Variants in SHISA6 observed in about 807,000 individuals in gnomAD.
SHISA6 encodes protein shisa-6.
Under a neutral mutation model 47.9 loss-of-function variants are expected in SHISA6, and 22 were observed. That is an observed-to-expected ratio of 0.46 (90% CI 0.33 to 0.66). The LOEUF (loss-of-function observed/expected upper bound fraction) is 0.66. Ranked by LOEUF, SHISA6 falls within the 30% of genes least tolerant of loss-of-function variation. SHISA6 has a pLI of 0.02. For synonymous variants in SHISA6, 388 were observed against 337.8 expected, an observed-to-expected ratio of 1.15 and a Z score of -1.63; for missense variants, 680 against 764.6, an observed-to-expected ratio of 0.89 and a Z score of 1.30.
chr17:11,277,212 G>C (rs1049608844), intron 2 of SHISA6, among the ~76,000 whole-genome samples: 3 of 140,658 alleles, frequency 2.1e-5, no homozygotes, highest in African/African-American at 5.4e-5. Context: ...AAAGAATCTG[G>C]TCTCTCCCTC....
intron 2 of SHISA6, among the ~76,000 whole-genome samples, chr17:11,333,033 T>G (rs923744028): frequency 2.6e-5 from 4 of 152,152 alleles, no homozygotes; most frequent in East Asian, 1.9e-4. Flanking sequence ...TGCCAGGGGG[T>G]GACCTGCCTT....
rs549343781 is a variant in SHISA6 at position 11,435,227 on chromosome 17, T to C, written c.895+55718T>C. Among the ~76,000 whole-genome samples, 13 of 152,152 alleles carry C rather than the reference T, an allele frequency of 8.5e-5. No homozygotes were observed. In the South Asian group the frequency reaches 2.7e-3, roughly 32 times the overall value. On this transcript the variant is annotated intron_variant, in intron 3 of 5. Coordinates refer to ENST00000441885, the MANE Select transcript of SHISA6 (RefSeq NM_207386.4). ...TTTTGCTGAATAATATCACATTATATTTAACTTAAAGATTATTAACTTTTT... is the reference window on the plus strand; with the variant it reads ...TTTTGCTGAATAATATCACATTATACTTAACTTAAAGATTATTAACTTTTT...
chr17:11,241,373 G>T lies in SHISA6; in HGVS notation c.-50G>T. ...GGTCCTCCGAGCCCGGCCCGCCGGG[G>T]GAGCGGCCTGCCGCGGAAGCCTCCC... On this transcript the variant is annotated 5_prime_UTR_variant, in exon 1 of 6. Transcript: ENST00000441885. The surrounding 1 kb of genome is among the most constrained non-coding windows in gnomAD (Gnocchi z 5.5). The T allele has an allele frequency of 9.8e-7, 1 of 1,025,082 alleles. No individual in the cohort carries two copies. Among genetic ancestry groups the T allele is most frequent in the Non-Finnish European group, 1.2e-6 (1 of 857,580 alleles). The allele number at this position is 1,025,082 out of a possible 1,614,324, so 63.5% of individuals were successfully genotyped here.
chr17:11,438,678 T>C (rs569182737), intron 3 of SHISA6, among the ~76,000 whole-genome samples: 1 of 152,328 alleles, frequency 6.6e-6, no homozygotes, highest in Non-Finnish European at 1.5e-5. Context: ...CCAAATATAG[T>C]TACACTGGGA....
intron 2 of SHISA6, among the ~76,000 whole-genome samples, chr17:11,372,270 G>A (rs1204925698): frequency 6.6e-6 from 1 of 152,076 alleles, no homozygotes; most frequent in Non-Finnish European, 1.5e-5. Flanking sequence ...AAATTTTGAG[G>A]GCATGTATGT....
chr17:11,292,524 T>C (rs1909589491), intron 2 of SHISA6, among the ~76,000 whole-genome samples: 1 of 152,088 alleles, frequency 6.6e-6, no homozygotes, highest in Non-Finnish European at 1.5e-5. Flanking sequence ...GCAGCCTCTG[T>C]CAGGACGTAA....
At chr17:11,255,400 T>A (rs1907969269) in intron 1 of SHISA6, among the ~76,000 whole-genome samples, 1 of 152,158 alleles carries the variant, frequency 6.6e-6, no homozygotes, top group South Asian at 2.1e-4. Flanking sequence ...AATAAATAAC[T>A]GAATCTTTTA....
At chr17:11,337,650 T>C (rs1419216730) in intron 2 of SHISA6, among the ~76,000 whole-genome samples, 1 of 152,194 alleles carries the variant, frequency 6.6e-6, no homozygotes, top group Non-Finnish European at 1.5e-5. Context: ...AGAATCAGCT[T>C]ATAGGTTACC....
intron 1 of SHISA6, among the ~76,000 whole-genome samples, chr17:11,250,023 C>T (rs961987308): frequency 3.3e-5 from 5 of 152,156 alleles, no homozygotes; most frequent in African/African-American, 4.8e-5. Flanking sequence ...TATGCTTTAT[C>T]CGTGTGTCAG....
intron 3 of SHISA6, among the ~76,000 whole-genome samples, chr17:11,551,131 A>G (rs906948409): frequency 5.3e-5 from 8 of 152,376 alleles, no homozygotes; most frequent in African/African-American, 1.9e-4. Flanking sequence ...CATAATGTTC[A>G]GTTGAAGCAA....
rs1318166242 is a variant in SHISA6 at position 11,398,602 on chromosome 17, TG to T, written c.895+19094del. ...TTTTTTTGTTTGCTTGTTTTTTTGT[TG>T]TTTTTTTTTTGACAGACTCTCGCTC... On this transcript the variant is annotated intron_variant, in intron 3 of 5. Coordinates refer to ENST00000441885, the MANE Select transcript of SHISA6 (RefSeq NM_207386.4). Among the ~76,000 whole-genome samples, 9 of 138,932 alleles carry T rather than the reference TG, an allele frequency of 6.5e-5. No individual in the cohort carries two copies. In the East Asian group the frequency reaches 8.5e-4, roughly 13 times the overall value. 91.1% of individuals were successfully genotyped at this position (138,932 alleles called of 152,430 possible).
At chr17:11,402,982 C>T (rs755446381) in intron 3 of SHISA6, among the ~76,000 whole-genome samples, 2 of 152,176 alleles carry the variant, frequency 1.3e-5, no homozygotes, top group Non-Finnish European at 2.9e-5. Context: ...GCCTCATAGC[C>T]TCTCATTCTT....
intron 1 of SHISA6, among the ~76,000 whole-genome samples, chr17:11,251,326 A>C (rs1907795216): frequency 6.6e-6 from 1 of 152,116 alleles, no homozygotes; most frequent in Admixed American, 6.5e-5. Context: ...AGGGCAGTGA[A>C]AGAGCTCTCT....
intron 3 of SHISA6, among the ~76,000 whole-genome samples, chr17:11,494,860 C>A (rs1371752456): frequency 6.6e-6 from 1 of 152,114 alleles, no homozygotes; most frequent in Non-Finnish European, 1.5e-5. Flanking sequence ...ATTCAGTTCC[C>A]AGGTTGAATC....
intron 3 of SHISA6, among the ~76,000 whole-genome samples, chr17:11,520,206 G>A (rs1283206907): frequency 6.6e-6 from 1 of 152,104 alleles, no homozygotes; most frequent in Non-Finnish European, 1.5e-5. Context: ...CACACTTAAT[G>A]TGTTCAAAAT....
intron 1 of SHISA6, among the ~76,000 whole-genome samples, chr17:11,244,240 T>C (rs1014659643): frequency 1.3e-5 from 2 of 152,172 alleles, no homozygotes; most frequent in African/African-American, 4.8e-5. Context: ...TTTATTCAGT[T>C]CACAGCCTCT....
rs145533110 is a variant in SHISA6, at chr17:11,458,726, G to A, written c.895+79217G>A. 4.9e-3 allele frequency among the ~76,000 whole-genome samples: 739 copies of A among 152,264 alleles called. 1 individual carries two copies. Among genetic ancestry groups the A allele is most frequent in the Non-Finnish European group, 8.1e-3 (553 of 68,026 alleles). On this transcript the variant is annotated intron_variant, in intron 3 of 5. Coordinates refer to ENST00000441885, the MANE Select transcript of SHISA6 (RefSeq NM_207386.4). ...CTTCTGACCCATGCTACTCTCCTGA[G>A]AAGATAGCATAATGCTCCTCCCAGA...
intron 1 of SHISA6, 141 bp downstream of exon 1, chr17:11,242,201 A>G (rs1907395333): frequency 4.2e-6 from 5 of 1,187,682 alleles, no homozygotes; most frequent in Non-Finnish European, 4.7e-6. Context: ...TTTTGCATGC[A>G]ATAAATCAGG....
At chr17:11,305,590 C>G (rs112502954) in intron 2 of SHISA6, among the ~76,000 whole-genome samples, 3 of 152,320 alleles carry the variant, frequency 2.0e-5, no homozygotes, top group African/African-American at 7.2e-5. Context: ...AAACATGCAT[C>G]AAGAAATCGG....
Sources: allele counts gnomAD v4.1 joint callset (sites outside exome capture counted in the v4.1 genomes callset), GRCh38; gene constraint gnomAD v4.1.1; non-coding constraint Gnocchi (gnomAD v3.1); transcripts MANE v1.5; gene names NCBI Gene and HGNC (gene_info 2026-07-23, HGNC 2026-07-21).